CFAP90: variants seen among roughly 807,000 people sequenced by gnomAD.
CFAP90 encodes the protein cilia and flagella associated protein 90.
chr5:7,847,914 T>C, the CFAP90 span, among the ~76,000 whole-genome samples: 1 of 152,196 alleles, frequency 6.6e-6, no homozygotes, highest in African/African-American at 2.4e-5. Context: ...ATTTACAGGA[T>C]CCCTCAAATG....
chr5:7,845,168 A>G, the CFAP90 span, among the ~76,000 whole-genome samples: 1 of 152,062 alleles, frequency 6.6e-6, no homozygotes, highest in Non-Finnish European at 1.5e-5. Context: ...TCTCCTGAGG[A>G]CTCACTTACT....
the CFAP90 span, among the ~76,000 whole-genome samples, chr5:7,839,545 T>G: frequency 6.6e-6 from 1 of 152,246 alleles, no homozygotes; most frequent in Admixed American, 6.5e-5. Context: ...ATATGTTCAT[T>G]CATTTTGTTC....
the CFAP90 span, among the ~76,000 whole-genome samples, chr5:7,836,817 C>A: frequency 6.6e-6 from 1 of 151,952 alleles, no homozygotes; most frequent in Admixed American, 6.5e-5. Context: ...GGCAGATAAG[C>A]GAACTTTAGA....
the CFAP90 span, among the ~76,000 whole-genome samples, chr5:7,834,949 C>T: frequency 6.6e-6 from 1 of 152,006 alleles, no homozygotes; most frequent in South Asian, 2.1e-4. Context: ...ACACCCCGCA[C>T]CAAACACACA....
the CFAP90 span, chr5:7,835,508 A>C: frequency 6.8e-7 from 1 of 1,476,850 alleles, no homozygotes; most frequent in Admixed American, 1.8e-5. Flanking sequence ...TCTAGGAAAA[A>C]AAAGAGAAAG....
chr5:7,849,216 T>C, the CFAP90 span, among the ~76,000 whole-genome samples: 2 of 152,168 alleles, frequency 1.3e-5, no homozygotes, highest in Admixed American at 1.3e-4. Flanking sequence ...AGAAACACGA[T>C]TGCTTCTGTT....
At chr5:7,832,115 G>A in the CFAP90 span, 10 of 1,397,968 alleles carry the variant, frequency 7.2e-6, no homozygotes, top group South Asian at 1.2e-4. Flanking sequence ...TGGGTCCTGG[G>A]AGCTTTTTCT....
At chr5:7,844,846 G>C in the CFAP90 span, among the ~76,000 whole-genome samples, 1 of 152,168 alleles carries the variant, frequency 6.6e-6, no homozygotes, top group Admixed American at 6.5e-5. Flanking sequence ...GACCCATAGA[G>C]GGAGGACCTG....
the CFAP90 span, among the ~76,000 whole-genome samples, chr5:7,848,047 C>A: frequency 7.2e-5 from 11 of 152,144 alleles, no homozygotes; most frequent in African/African-American, 1.9e-4. Context: ...TTATCTCATG[C>A]GGTGCATTAC....
At chr5:7,849,497 T>G in the CFAP90 span, among the ~76,000 whole-genome samples, 1 of 152,214 alleles carries the variant, frequency 6.6e-6, no homozygotes, top group Non-Finnish European at 1.5e-5. Context: ...GCCTGCAGGC[T>G]GAGGGTCCTC....
chr5:7,835,276 C>T, the CFAP90 span: 7 of 644,270 alleles, frequency 1.1e-5, no homozygotes, highest in East Asian at 2.7e-5. Flanking sequence ...GTAAAAAATA[C>T]AGTATCTATG....
chr5:7,849,596 AAGG>A, the CFAP90 span, among the ~76,000 whole-genome samples: 1 of 152,178 alleles, frequency 6.6e-6, no homozygotes, highest in East Asian at 1.9e-4. Flanking sequence ...GGTGAGAAGA[AAGG>A]AGTAGATGAC....
At chr5:7,843,992 C>A in the CFAP90 span, among the ~76,000 whole-genome samples, 1 of 152,182 alleles carries the variant, frequency 6.6e-6, no homozygotes, top group Non-Finnish European at 1.5e-5. Flanking sequence ...TTCATTGGAA[C>A]ATGGATTCCT....
At chr5:7,839,483 T>C in the CFAP90 span, among the ~76,000 whole-genome samples, 1 of 152,232 alleles carries the variant, frequency 6.6e-6, no homozygotes, top group African/African-American at 2.4e-5. Flanking sequence ...GAAGGAAGAA[T>C]GGACTTAAGA....
chr5:7,849,069 A>T, the CFAP90 span, among the ~76,000 whole-genome samples: 1 of 152,312 alleles, frequency 6.6e-6, no homozygotes, highest in Admixed American at 6.5e-5. Context: ...GGCTCATCCT[A>T]GTGGCCTCAT....
the CFAP90 span, among the ~76,000 whole-genome samples, chr5:7,833,965 A>G: frequency 1.3e-5 from 2 of 152,252 alleles, no homozygotes; most frequent in Non-Finnish European, 2.9e-5. Context: ...ACAATTATGT[A>G]CAGCTCATAG....
the CFAP90 span, among the ~76,000 whole-genome samples, chr5:7,834,952 A>AACAC: frequency 6.6e-6 from 1 of 151,370 alleles, no homozygotes; most frequent in African/African-American, 2.4e-5. Flanking sequence ...CCCCGCACCA[A>AACAC]ACACACACAC....
chr5:7,831,724 C>T, the CFAP90 span: 1 of 928,142 alleles, frequency 1.1e-6, no homozygotes, highest in Non-Finnish European at 1.6e-6. Context: ...AGAGATGCAA[C>T]ACAGGCATAG....
At chr5:7,850,785 TGCCCAGCC>T in the CFAP90 span, 464,936 of 1,057,794 alleles carry the variant, frequency 0.44, 112,116 homozygotes, top group South Asian at 0.56. Context: ...CGCCCGCCCC[TGCCCAGCC>T]GCCCAGCCGC....
Sources: gnomAD v4.1 joint callset for allele counts (sites outside exome capture counted in the v4.1 genomes callset) on GRCh38, gnomAD v4.1.1 for gene constraint, MANE v1.5 for transcripts, NCBI Gene and HGNC (gene_info 2026-07-23, HGNC 2026-07-21) for gene names.